Variants in TSC2 observed in about 807,000 individuals in gnomAD.
The protein encoded by TSC2 is tuberin.
A neutral mutation model predicts 202.2 loss-of-function variants in TSC2; 29 were observed. That is an observed-to-expected ratio of 0.14 (90% CI 0.11 to 0.20). The LOEUF (loss-of-function observed/expected upper bound fraction) is 0.20, where lower values mean the gene tolerates loss of function less well. Ranked by LOEUF, TSC2 falls within the 10% of genes least tolerant of loss-of-function variation. The pLI, the probability that TSC2 is intolerant of heterozygous loss-of-function variation, is 1.00. For missense variants in TSC2, 2,429 were observed against 2,420.0 expected (o/e 1.00, Z -0.08); for synonymous variants, 1,349 against 1,044.0 (o/e 1.29, Z -5.63).
chr16:2,077,610 C>T lies in TSC2; in HGVS notation c.2850C>T (p.Ala950=). Residue 950 remains alanine, a synonymous_variant, in exon 26 of 42, where the codon GCC becomes GCT. Transcript: ENST00000219476. ...CCTCACCCGATAGTCTGAGGATAGC[C>T]AGACCCCCCAAACAAGGCTTGAATA... is the stretch of plus-strand genomic sequence containing the variant. ...LNERPKSLRI[A]RPPKQGLNNS... The T allele has an allele frequency of 6.2e-7, 1 of 1,613,152 alleles. No individual in the cohort carries two copies. Among genetic ancestry groups the T allele is most frequent in the Non-Finnish European group, 8.5e-7 (1 of 1,180,018 alleles).
At chr16:2,048,297 G>A in intron 1 of TSC2, 3 of 1,095,410 alleles carry the variant, frequency 2.7e-6, no homozygotes, top group Non-Finnish European at 4.1e-6. Context: ...GGCAAACGTC[G>A]GGGCTCCCAG....
At chr16:2,073,263 G>T (rs2088764221) in intron 21 of TSC2, among the ~76,000 whole-genome samples, 1 of 152,232 alleles carries the variant, frequency 6.6e-6, no homozygotes, top group South Asian at 2.1e-4. Flanking sequence ...TGTTCCTGCT[G>T]TCCCAAGGGG....
rs1555440351 is a variant in TSC2 at position 2,088,215 on chromosome 16, C to T, written c.5161-12C>T. 5 of 1,613,148 alleles carry T rather than the reference C, an allele frequency of 3.1e-6. No homozygotes were observed. Among genetic ancestry groups the T allele is most frequent in the Non-Finnish European group, 4.2e-6 (5 of 1,179,984 alleles). On this transcript the variant is annotated splice_polypyrimidine_tract_variant and intron_variant, in intron 40 of 41. Transcript: ENST00000219476. ...ACCTGATAGTGAGCTCACCCCCTGC[C>T]TACGTCCCCAGATGGCCTCACAGGT...
intron 36 of TSC2, among the ~76,000 whole-genome samples, chr16:2,085,649 A>G (rs1407672293): frequency 1.3e-5 from 2 of 152,088 alleles, no homozygotes; most frequent in Non-Finnish European, 1.5e-5. Flanking sequence ...GAGCCTGCAT[A>G]AGGGGTGGGG....
At chr16:2,074,090 C>A in intron 21 of TSC2, 110 bp from the exon 22 acceptor site, 1 of 1,419,838 alleles carries the variant, frequency 7.0e-7, no homozygotes, top group Non-Finnish European at 9.7e-7. Flanking sequence ...CATTCAGGGA[C>A]TTGCTAAGCC....
At position 2,072,901 on chromosome 16, in the gene TSC2, C is replaced by G. The variant is rs45517223; in HGVS notation, c.2273C>G (p.Ser758Cys). 6.8e-6 allele frequency: 11 copies of G among 1,613,540 alleles called. No homozygotes were observed. In the Admixed American group the frequency reaches 1.7e-4, roughly 24 times the overall value. ...CTCCGAGGCGCCCCAGAAGGCTTCT[C>G]CAGAACTGACTTGCACCTGGCCGTG... ...ERLRGAPEGF[S>C]RTDLHLAVVP... The change falls in exon 21 of 42, where the codon TCC becomes TGC. Residue 758 changes from serine (S) to cysteine (C), a missense_variant. Physicochemically the swap from Ser to Cys is moderately radical, Grantham distance 112. Transcript: ENST00000219476.
chr16:2,062,221 T>C (rs2086728131), intron 12 of TSC2, among the ~76,000 whole-genome samples: 2 of 152,186 alleles, frequency 1.3e-5, no homozygotes, highest in Non-Finnish European at 2.9e-5. Context: ...CTCCCACCTG[T>C]GTGGAGCAAG....
In TSC2 at chr16:2,085,396, G is replaced by C. The variant is rs1439083068; in HGVS notation, c.4662+74G>C. On this transcript the variant is annotated intron_variant, in intron 36 of 41. Transcript: ENST00000219476. ...TCAGCCTGCAGTGGGTAGGGAGTCT[G>C]GGCCCCCAACGCCCCACAGAGCTCA... 3 of 1,522,250 alleles carry C rather than the reference G, an allele frequency of 2.0e-6. No homozygotes were observed. In the African/African-American group the frequency reaches 4.1e-5, roughly 21 times the overall value. 94.3% of individuals were successfully genotyped at this position (1,522,250 alleles called of 1,614,324 possible). A position where few individuals can be genotyped will look rare whatever the true frequency, so the allele number is the denominator to read the frequency against.
chr16:2,086,412 C>T (rs1284714275), intron 37 of TSC2, 33 bp downstream of exon 37: 1 of 1,604,894 alleles, frequency 6.2e-7, no homozygotes, highest in Non-Finnish European at 8.5e-7. Context: ...TCCTGCTGCC[C>T]CAGGCCTCAG....
rs1567505082 is a variant in TSC2, at chr16:2,080,376, A to G, written c.3609A>G (p.Thr1203=). Residue 1203 remains threonine, a splice_region_variant and synonymous_variant, in exon 30 of 42, where the codon ACA becomes ACG. Transcript: ENST00000219476. ...CGGAGATCCTGGTCCGGAGGCCCAC[A>G]GGTACTGGGCGGGGCTGGCCTGAGC... is the stretch of plus-strand genomic sequence containing the variant. ...GWAEILVRRP[T]GNTSWLMSLE... is the part of the protein sequence containing the mutation. 1 of 1,611,358 alleles carries G rather than the reference A, an allele frequency of 6.2e-7. No individual in the cohort carries two copies. The highest frequency in any genetic ancestry group is 8.5e-7 in the Non-Finnish European group (1 of 1,179,858).
chr16:2,057,230 G>A (rs1275446941), intron 9 of TSC2, 52 bp downstream of exon 9: 1 of 1,547,406 alleles, frequency 6.5e-7, no homozygotes, highest in Non-Finnish European at 8.7e-7. Flanking sequence ...CAGCCCTCGG[G>A]GCAGCTCCAG....
At chr16:2,074,508 T>TG (rs2088976364) in intron 22 of TSC2, 119 bp downstream of exon 22, 1 of 1,296,452 alleles carries the variant, frequency 7.7e-7, no homozygotes, top group African/African-American at 1.5e-5. Flanking sequence ...CGCCTTCTGC[T>TG]GCCTCAGGGC....
chr16:2,080,457 C>G (rs1392220871), intron 30 of TSC2, 80 bp downstream of exon 30: 1 of 1,506,682 alleles, frequency 6.6e-7, no homozygotes. Context: ...CGATTGCAGA[C>G]TTGGCCCTCT....
chr16:2,083,180 A>G (rs2090344865), intron 32 of TSC2: 1 of 457,682 alleles, frequency 2.2e-6, no homozygotes, highest in South Asian at 1.5e-5. Flanking sequence ...ACGCTGGCAC[A>G]GGAAATGCTG....
rs113431974 is a variant in TSC2, at chr16:2,074,513, C to T, written c.2545+124C>T. 22 of 1,271,414 alleles carry T rather than the reference C, an allele frequency of 1.7e-5. No homozygotes were observed. In the East Asian group the frequency reaches 5.3e-4, roughly 30 times the overall value. The allele number at this position is 1,271,414 out of a possible 1,614,324, so 78.8% of individuals were successfully genotyped here. ...CTGGGTGTCTCGCCTTCTGCTGCCT[C>T]AGGGCCTGGGCGTCTCTGCCCGGCT... On this transcript the variant is annotated intron_variant, in intron 22 of 41. Coordinates refer to ENST00000219476, the MANE Select transcript of TSC2 (RefSeq NM_000548.5).
chr16:2,070,928 C>T (rs1259962148), intron 17 of TSC2, among the ~76,000 whole-genome samples: 1 of 151,808 alleles, frequency 6.6e-6, no homozygotes, highest in African/African-American at 2.4e-5. Context: ...CGGCACAGGG[C>T]AGAGCTGAGA....
chr16:2,059,153 G>A (rs2086293789), intron 10 of TSC2, among the ~76,000 whole-genome samples: 1 of 151,724 alleles, frequency 6.6e-6, no homozygotes, highest in African/African-American at 2.4e-5. Flanking sequence ...TGAGTAGCTG[G>A]GATTACAGGT....
intron 4 of TSC2, 85 bp from the exon 5 acceptor site, chr16:2,054,211 G>T (rs956319641): frequency 1.9e-6 from 3 of 1,604,642 alleles, no homozygotes; most frequent in Admixed American, 1.7e-5. Flanking sequence ...GCTGGAGTCC[G>T]GGTGCCCCTG....
chr16:2,055,824 G>A, intron 6 of TSC2: 1 of 455,268 alleles, frequency 2.2e-6, no homozygotes, highest in Non-Finnish European at 4.0e-6. Context: ...CCGGAAGGCA[G>A]AGGTTGCAGT....
Sources: gnomAD v4.1 joint callset for allele counts (sites outside exome capture counted in the v4.1 genomes callset) on GRCh38, gnomAD v4.1.1 for gene constraint, MANE v1.5 for transcripts, NCBI Gene and HGNC (gene_info 2026-07-23, HGNC 2026-07-21) for gene names.